Variants in CSMD1 observed in about 807,000 individuals in gnomAD.
The protein encoded by CSMD1 is CUB and Sushi multiple domains 1, also known as CUB and sushi domain-containing protein 1.
A neutral mutation model predicts 417.5 loss-of-function variants in CSMD1; 213 were observed. The ratio of observed to expected loss-of-function variants is 0.51; its 90% confidence interval spans 0.46 to 0.57. CSMD1 has a LOEUF of 0.57. CSMD1 is among the 20% of genes least tolerant of loss of function. The pLI is 0.00. For synonymous variants in CSMD1, 2,862 were observed against 1,736.8 expected, an observed-to-expected ratio of 1.65 and a Z score of -16.11; for missense variants, 6,923 against 4,529.7, an observed-to-expected ratio of 1.53 and a Z score of -15.17.
At chr8:3,623,436 T>C (rs777699427) in intron 7 of CSMD1, among the ~76,000 whole-genome samples, 8 of 152,174 alleles carry the variant, frequency 5.3e-5, no homozygotes, top group Non-Finnish European at 8.8e-5. Context: ...AGCAACGACA[T>C]CTATGACAGA....
At chr8:4,648,006 T>G (rs1280057133) in intron 1 of CSMD1, among the ~76,000 whole-genome samples, 1 of 152,224 alleles carries the variant, frequency 6.6e-6, no homozygotes, top group Non-Finnish European at 1.5e-5. Context: ...CTTCCTCAGT[T>G]GTTGAACTAA....
Position 3,151,517 on chromosome 8 carries a change from T to G in CSMD1, c.5915-4A>C, listed in dbSNP as rs1367110101. On this transcript the variant is annotated splice_polypyrimidine_tract_variant and splice_region_variant and intron_variant, in intron 39 of 69. Transcript: ENST00000635120. ...CTCAGCGTCCCTCCACAGGTTGCTGTTAAGTGGACAAGATGTCAGTCCTGC... is the reference window on the plus strand; with the variant it reads ...CTCAGCGTCCCTCCACAGGTTGCTGGTAAGTGGACAAGATGTCAGTCCTGC... 6.3e-7 allele frequency: 1 copy of G among 1,597,914 alleles called. No individual in the cohort carries two copies.
chr8:4,649,625 A>G (rs186137257), intron 1 of CSMD1, among the ~76,000 whole-genome samples: 2 of 152,190 alleles, frequency 1.3e-5, no homozygotes, highest in Non-Finnish European at 2.9e-5. Flanking sequence ...GCAAAGGCCA[A>G]TTTTTTAATT....
chr8:4,216,390 G>C (rs1388582578), intron 3 of CSMD1, among the ~76,000 whole-genome samples: 2 of 152,166 alleles, frequency 1.3e-5, no homozygotes, highest in Non-Finnish European at 2.9e-5. Context: ...TCAGAATAGT[G>C]TGTACTATTG....
At chr8:3,040,736 G>C (rs1811031801) in intron 50 of CSMD1, among the ~76,000 whole-genome samples, 1 of 152,246 alleles carries the variant, frequency 6.6e-6, no homozygotes, top group East Asian at 1.9e-4. Flanking sequence ...CCGAGAGACA[G>C]AGGTTAGAGC....
chr8:4,584,950 C>T (rs1004328274), intron 2 of CSMD1, among the ~76,000 whole-genome samples: 2 of 152,058 alleles, frequency 1.3e-5, no homozygotes, highest in African/African-American at 2.4e-5. Flanking sequence ...GTCTAACTGC[C>T]TGCCAGAAAC....
At chr8:4,118,782 C>A (rs1003492053) in intron 3 of CSMD1, among the ~76,000 whole-genome samples, 2 of 152,150 alleles carry the variant, frequency 1.3e-5, no homozygotes, top group Non-Finnish European at 2.9e-5. Context: ...ACTATAAAGA[C>A]ACATGCACAT....
intron 1 of CSMD1, among the ~76,000 whole-genome samples, chr8:4,645,660 G>C (rs951869723): frequency 6.6e-6 from 1 of 151,918 alleles, no homozygotes; most frequent in South Asian, 2.1e-4. Context: ...AGGAAGCAGG[G>C]GTAGACACAG....
chr8:3,943,781 G>A (rs1388525352), intron 5 of CSMD1, among the ~76,000 whole-genome samples: 1 of 152,030 alleles, frequency 6.6e-6, no homozygotes, highest in African/African-American at 2.4e-5. Context: ...CCCAAATTTA[G>A]GGACAGCCTG....
intron 5 of CSMD1, among the ~76,000 whole-genome samples, chr8:3,954,680 A>G (rs1424975756): frequency 1.3e-5 from 2 of 152,208 alleles, no homozygotes; most frequent in Admixed American, 6.5e-5. Context: ...GGACTTGTAT[A>G]GACTCCCCTC....
At position 4,978,303 on chromosome 8, in the gene CSMD1, C is replaced by T. The variant is rs534970200; in HGVS notation, c.85+16029G>A. On this transcript the variant is annotated intron_variant, in intron 1 of 69. Transcript: ENST00000635120. The stretch of plus-strand genomic sequence containing the variant: ...TAGCAGCTTTTTCAACTCAAGGGTC[C>T]CTCTAATTTGAGTCAGGACACTCTA... Among the ~76,000 whole-genome samples, 6 of 152,134 alleles carry T rather than the reference C, an allele frequency of 3.9e-5. No individual in the cohort carries two copies. The East Asian group carries it at 1.2e-3, about 30-fold the overall frequency.
intron 5 of CSMD1, among the ~76,000 whole-genome samples, chr8:3,780,634 G>C (rs1373436108): frequency 2.6e-5 from 4 of 152,154 alleles, no homozygotes; most frequent in African/African-American, 9.7e-5. Flanking sequence ...CCTGCTCCCA[G>C]CTCCTGGGGT....
rs181755533 is a variant in CSMD1, at chr8:4,047,797, A to G, written c.416-15698T>C. ...TAGGTAGAGAATGCAATTTTACATT[A>G]GGTAGTCAGGAAACACCTCAATAAG... On this transcript the variant is annotated intron_variant, in intron 3 of 69. Transcript: ENST00000635120. Among the ~76,000 whole-genome samples the G allele has an allele frequency of 1.9e-3, 295 of 152,308 alleles. 1 individual carries two copies. The highest frequency in any genetic ancestry group is 6.7e-3 in the African/African-American group (278 of 41,574).
chr8:4,144,643 A>T lies in CSMD1; in HGVS notation c.416-112544T>A, dbSNP rs4335139. Among the ~76,000 whole-genome samples, 5 of 150,484 alleles carry T rather than the reference A, an allele frequency of 3.3e-5. No homozygotes were observed. The East Asian group carries it at 9.7e-4, about 29-fold the overall frequency. ...TCTTGTTTGTCTGGAGCTTCTTTTT[A>T]TCAGGAGATAATCAGCAGGACCTCT... On this transcript the variant is annotated intron_variant, in intron 3 of 69. Coordinates refer to ENST00000635120, the MANE Select transcript of CSMD1 (RefSeq NM_033225.6).
chr8:4,924,956 G>T lies in CSMD1; in HGVS notation c.85+69376C>A, dbSNP rs115272996. On this transcript the variant is annotated intron_variant, in intron 1 of 69. Transcript: ENST00000635120. ...TCTTTTTCTGTATTATGCAACGGAA[G>T]AATCTTTGCATCCACCATGGTGTCT... Among the ~76,000 whole-genome samples, 1,412 of 152,122 alleles carry T rather than the reference G, an allele frequency of 9.3e-3. 16 individuals carry two copies. The highest frequency in any genetic ancestry group is 0.032 in the African/African-American group (1,328 of 41,506).
chr8:3,995,588 G>C (rs62501249), intron 5 of CSMD1, among the ~76,000 whole-genome samples: 7,958 of 152,234 alleles, frequency 0.052, 265 homozygotes, highest in Non-Finnish European at 0.076. Flanking sequence ...CAGAGACCTT[G>C]AACCTGAGCT....
chr8:4,904,203 C>T (rs752464038), intron 1 of CSMD1, among the ~76,000 whole-genome samples: 3 of 152,068 alleles, frequency 2.0e-5, no homozygotes, highest in African/African-American at 7.2e-5. Context: ...AACATGATGA[C>T]CAACCATCAC....
intron 1 of CSMD1, among the ~76,000 whole-genome samples, chr8:4,855,842 A>G (rs1364657179): frequency 1.3e-5 from 2 of 151,418 alleles, no homozygotes; most frequent in East Asian, 3.9e-4. Context: ...AACACTCTGC[A>G]GGATATTATC....
chr8:3,263,260 G>T (rs1801209355), intron 26 of CSMD1, among the ~76,000 whole-genome samples: 1 of 152,180 alleles, frequency 6.6e-6, no homozygotes, highest in Middle Eastern at 3.4e-3. Context: ...CACCACATCT[G>T]GCTAATTTTT....
Sources: gnomAD v4.1 joint callset for allele counts (sites outside exome capture counted in the v4.1 genomes callset) on GRCh38, gnomAD v4.1.1 for gene constraint, MANE v1.5 for transcripts, NCBI Gene and HGNC (gene_info 2026-07-23, HGNC 2026-07-21) for gene names.